The following RTN1 variants were observed in gnomAD, a reference collection of about 807,000 sequenced individuals.
The protein encoded by RTN1 is reticulon 1, also known as reticulon-1.
Under a neutral mutation model 65.5 loss-of-function variants are expected in RTN1, and 25 were observed. The observed-to-expected ratio is 0.38, with a 90% CI of 0.28 to 0.53. RTN1 has a LOEUF of 0.53. RTN1 is among the 20% of genes least tolerant of loss of function. The pLI, the probability that RTN1 is intolerant of heterozygous loss-of-function variation, is 0.79. For synonymous variants in RTN1, 471 were observed against 447.6 expected (o/e 1.05, Z -0.66); for missense variants, 983 against 1,025.4 (o/e 0.96, Z 0.57).
chr14:59,630,605 G>C, intron 3 of RTN1: 1 of 1,581,800 alleles, frequency 6.3e-7, no homozygotes, highest in Non-Finnish European at 8.6e-7. Flanking sequence ...CGCAGTGGCC[G>C]CGCGGCTGCG....
intron 1 of RTN1, among the ~76,000 whole-genome samples, chr14:59,853,079 G>A (rs932781641): frequency 1.3e-5 from 2 of 152,088 alleles, no homozygotes; most frequent in African/African-American, 4.8e-5. Flanking sequence ...TGGAATCATT[G>A]ATTTCTAAGA....
At chr14:59,609,980 G>T (rs1438306185) in intron 3 of RTN1, 3 of 637,902 alleles carry the variant, frequency 4.7e-6, no homozygotes, top group Non-Finnish European at 5.6e-6. Flanking sequence ...GCTGAAGGGG[G>T]CACTCCTTAG....
chr14:59,712,836 G>A (rs1004040778), intron 3 of RTN1, among the ~76,000 whole-genome samples: 2 of 151,306 alleles, frequency 1.3e-5, no homozygotes, highest in African/African-American at 4.9e-5. Flanking sequence ...GCTTGAACCT[G>A]GGAGGTGGAG....
At chr14:59,854,128 G>C (rs1275274450) in intron 1 of RTN1, among the ~76,000 whole-genome samples, 1 of 151,920 alleles carries the variant, frequency 6.6e-6, no homozygotes, top group Non-Finnish European at 1.5e-5. Context: ...CCAAAGTGCA[G>C]GATTACAGGC....
chr14:59,730,326 A>C (rs897260214), intron 2 of RTN1, among the ~76,000 whole-genome samples: 6 of 152,218 alleles, frequency 3.9e-5, no homozygotes, highest in Non-Finnish European at 8.8e-5. Flanking sequence ...AACCACAAGA[A>C]AAAGAATGAA....
chr14:59,782,245 C>T (rs746664860), intron 1 of RTN1, among the ~76,000 whole-genome samples: 1 of 151,978 alleles, frequency 6.6e-6, no homozygotes, highest in East Asian at 1.9e-4. Context: ...GTTACAGAAG[C>T]CCAAACAGAT....
intron 1 of RTN1, among the ~76,000 whole-genome samples, chr14:59,832,579 T>C (rs956097529): frequency 2.0e-5 from 3 of 152,242 alleles, no homozygotes; most frequent in African/African-American, 7.2e-5. Context: ...TTTCTAAAGC[T>C]TGGAGGAAAT....
At chr14:59,695,736 A>G (rs769312343) in intron 3 of RTN1, among the ~76,000 whole-genome samples, 19 of 152,222 alleles carry the variant, frequency 1.2e-4, no homozygotes, top group Non-Finnish European at 2.2e-4. Flanking sequence ...AAATAAGGAT[A>G]AATCTTTATT....
chr14:59,711,367 GGTGAT>G, intron 3 of RTN1, among the ~76,000 whole-genome samples: 1 of 152,208 alleles, frequency 6.6e-6, no homozygotes, highest in Middle Eastern at 3.4e-3. Context: ...CCTTTCCTGG[GGTGAT>G]CACTCCAGGA....
Position 59,637,579 on chromosome 14 carries a change from G to A in RTN1, c.1766-30087C>T, listed in dbSNP as rs903405893. Among the ~76,000 whole-genome samples the A allele has an allele frequency of 2.3e-4, 35 of 152,048 alleles. 1 individual carries two copies. The highest frequency in any genetic ancestry group is 2.2e-3 in the Admixed American group (33 of 15,276). ...ATACAAAAATTAGCTGGGTGTGGTG[G>A]TGCGTGCCTGTAGTCCCAGCTACTC... On this transcript the variant is annotated intron_variant, in intron 3 of 8. Coordinates refer to ENST00000267484, the MANE Select transcript of RTN1 (RefSeq NM_021136.3).
chr14:59,716,081 T>C (rs1178893774), intron 3 of RTN1, among the ~76,000 whole-genome samples: 2 of 152,226 alleles, frequency 1.3e-5, no homozygotes, highest in Admixed American at 6.5e-5. Flanking sequence ...ATGCTAACAC[T>C]TGAACTAGCT....
intron 1 of RTN1, among the ~76,000 whole-genome samples, chr14:59,769,334 A>G (rs1336588053): frequency 6.6e-6 from 1 of 152,212 alleles, no homozygotes; most frequent in African/African-American, 2.4e-5. Flanking sequence ...ACCTGAATAA[A>G]GTATCAATGC....
intron 3 of RTN1, chr14:59,630,507 C>A: frequency 6.2e-7 from 1 of 1,613,766 alleles, no homozygotes; most frequent in Non-Finnish European, 8.5e-7. Flanking sequence ...TGGCCTGCAT[C>A]GTGCGGGCTT....
chr14:59,783,262 G>T (rs1009518508), intron 1 of RTN1, among the ~76,000 whole-genome samples: 2 of 152,108 alleles, frequency 1.3e-5, no homozygotes, highest in African/African-American at 4.8e-5. Context: ...CAATAAAATG[G>T]ACAAGAATAT....
intron 3 of RTN1, among the ~76,000 whole-genome samples, chr14:59,618,360 A>G (rs1882164531): frequency 6.6e-6 from 1 of 152,166 alleles, no homozygotes; most frequent in African/African-American, 2.4e-5. Context: ...GGCCCCACCT[A>G]GATCAATAAA....
chr14:59,646,114 G>T (rs897903676), intron 3 of RTN1, among the ~76,000 whole-genome samples: 8 of 152,060 alleles, frequency 5.3e-5, no homozygotes, highest in Admixed American at 3.9e-4. Context: ...CAGTATAAAA[G>T]AACTCATCTG....
At chr14:59,683,830 T>C (rs1883791903) in intron 3 of RTN1, among the ~76,000 whole-genome samples, 1 of 152,114 alleles carries the variant, frequency 6.6e-6, no homozygotes, top group South Asian at 2.1e-4. Context: ...TGGTGATCCA[T>C]CTAATTTGCT....
chr14:59,795,241 T>C (rs914634848), intron 1 of RTN1, among the ~76,000 whole-genome samples: 2 of 152,156 alleles, frequency 1.3e-5, no homozygotes, highest in African/African-American at 4.8e-5. Flanking sequence ...ACATTAAAGA[T>C]TTAAAAAAAA....
intron 3 of RTN1, among the ~76,000 whole-genome samples, chr14:59,698,187 G>A (rs928098453): frequency 6.6e-6 from 1 of 152,154 alleles, no homozygotes; most frequent in African/African-American, 2.4e-5. Context: ...TCTCTGTACT[G>A]AGAATGTTCA....
Sources: gnomAD v4.1 joint callset for allele counts (sites outside exome capture counted in the v4.1 genomes callset) on GRCh38, gnomAD v4.1.1 for gene constraint, MANE v1.5 for transcripts, NCBI Gene and HGNC (gene_info 2026-07-23, HGNC 2026-07-21) for gene names.